The following PFDN1 variants were observed in gnomAD, a reference collection of about 807,000 sequenced individuals.
PFDN1 encodes the protein prefoldin 1.
PFDN1 carries 6 observed loss-of-function variants against 17.3 expected under a neutral mutation model. The observed-to-expected ratio is 0.35, with a 90% CI of 0.19 to 0.69. The LOEUF (loss-of-function observed/expected upper bound fraction) is 0.69, where lower values mean the gene tolerates loss of function less well. PFDN1 is among the 30% of genes least tolerant of loss of function. The probability of loss-of-function intolerance (pLI) is 0.65; values close to 1 mark genes in which losing one functional copy is unlikely to be tolerated. For synonymous variants in PFDN1, 58 were observed against 50.1 expected, an observed-to-expected ratio of 1.16 and a Z score of -0.67; for missense variants, 113 against 146.2, an observed-to-expected ratio of 0.77 and a Z score of 1.17.
At chr5:140,265,870 A>C (rs925021871) in intron 3 of PFDN1, 3 of 152,230 alleles carry the variant, frequency 2.0e-5, no homozygotes, top group African/African-American at 7.2e-5. Flanking sequence ...TGCTAATTTC[A>C]TTCACTTTAA....
chr5:140,283,396 C>T (rs946749440), intron 2 of PFDN1, among the ~76,000 whole-genome samples: 6 of 152,132 alleles, frequency 3.9e-5, no homozygotes, highest in Non-Finnish European at 7.4e-5. Flanking sequence ...CCACGCCTGG[C>T]TAATTTTTTC....
chr5:140,289,818 A>G (rs1340864535), intron 2 of PFDN1, among the ~76,000 whole-genome samples: 1 of 152,120 alleles, frequency 6.6e-6, no homozygotes, highest in Non-Finnish European at 1.5e-5. Context: ...GCTTCCATCA[A>G]TATCACCACA....
chr5:140,267,869 T>A (rs1326638302), intron 3 of PFDN1, among the ~76,000 whole-genome samples: 1 of 152,192 alleles, frequency 6.6e-6, no homozygotes, highest in Non-Finnish European at 1.5e-5. Flanking sequence ...AGACTATGTA[T>A]AAAACATCAG....
chr5:140,267,753 C>CAA (rs10657250), intron 3 of PFDN1, among the ~76,000 whole-genome samples: 33,549 of 147,776 alleles, frequency 0.23, 4,123 homozygotes, highest in South Asian at 0.46. Context: ...ATACTACCAG[C>CAA]AAAAAAAAAA....
intron 2 of PFDN1, among the ~76,000 whole-genome samples, chr5:140,294,328 T>A (rs965459380): frequency 4.6e-5 from 7 of 152,094 alleles, no homozygotes; most frequent in Admixed American, 2.0e-4. Context: ...TAAGATTTTT[T>A]AAATTTCATT....
At chr5:140,294,192 T>C (rs888692569) in intron 2 of PFDN1, among the ~76,000 whole-genome samples, 17 of 152,034 alleles carry the variant, frequency 1.1e-4, no homozygotes, top group African/African-American at 3.4e-4. Context: ...TCACACATTA[T>C]TTTTTCCCCT....
At chr5:140,281,572 C>T (rs373585268) in intron 2 of PFDN1, 39 bp from the exon 3 acceptor site, 13 of 999,548 alleles carry the variant, frequency 1.3e-5, no homozygotes, top group Non-Finnish European at 2.1e-5. Flanking sequence ...AGCCACATGA[C>T]TATTGAATTC....
rs942808050 is a variant in PFDN1 at position 140,302,243 on chromosome 5, T to C, written c.33+798A>G. Among the ~76,000 whole-genome samples, 9 of 152,292 alleles carry C rather than the reference T, an allele frequency of 5.9e-5. No individual in the cohort carries two copies. In the South Asian group the frequency reaches 6.2e-4, roughly 11 times the overall value. On this transcript the variant is annotated intron_variant, in intron 1 of 3. Coordinates refer to ENST00000261813, the MANE Select transcript of PFDN1 (RefSeq NM_002622.5). ...CTTTTCCAGAAAAGTAGATTTAAAA[T>C]AGATAAATTCTAGGGTCCTTTCCAA...
At chr5:140,271,994 TAA>T (rs940773514) in intron 3 of PFDN1, among the ~76,000 whole-genome samples, 12 of 146,620 alleles carry the variant, frequency 8.2e-5, no homozygotes, top group African/African-American at 3.0e-4. Context: ...TTTATATACA[TAA>T]GATATATTTA....
intron 2 of PFDN1, among the ~76,000 whole-genome samples, chr5:140,288,313 G>A (rs1387968143): frequency 6.6e-6 from 1 of 152,104 alleles, no homozygotes; most frequent in Non-Finnish European, 1.5e-5. Context: ...TAGTATGAAA[G>A]GCTATATATT....
intron 3 of PFDN1, chr5:140,281,094 T>G (rs1277798529): frequency 1.1e-5 from 2 of 174,358 alleles, no homozygotes; most frequent in Non-Finnish European, 2.4e-5. Context: ...CTCCTGCCCA[T>G]CCACCACAAT....
intron 3 of PFDN1, among the ~76,000 whole-genome samples, chr5:140,268,919 C>CA (rs1765168681): frequency 6.6e-6 from 1 of 152,182 alleles, no homozygotes; most frequent in Non-Finnish European, 1.5e-5. Flanking sequence ...GCAAAGATAT[C>CA]AAAGGAGATG....
At position 140,303,062 on chromosome 5, in the gene PFDN1, G is replaced by T. The variant is rs146934289; in HGVS notation, c.12C>A (p.Pro4=). The T allele has an allele frequency of 1.7e-5, 27 of 1,612,544 alleles. No individual in the cohort carries two copies. The highest frequency in any genetic ancestry group is 6.7e-5 in the Admixed American group (4 of 60,004). MAA[P]VDLELKKAFT... is the part of the protein sequence containing the mutation. ...TTACCTTCTTCAGCTCTAGATCCAC[G>T]GGGGCGGCCATCTTGGTGCACTGTA... The change falls in exon 1 of 4, where the codon CCC becomes CCA. Residue 4 remains proline (P), a synonymous_variant. Transcript: ENST00000261813.
chr5:140,276,217 C>A (rs1309887209), intron 3 of PFDN1, among the ~76,000 whole-genome samples: 3 of 152,106 alleles, frequency 2.0e-5, no homozygotes, highest in Non-Finnish European at 4.4e-5. Flanking sequence ...TAATAGGAAA[C>A]CATATTTATG....
intron 3 of PFDN1, among the ~76,000 whole-genome samples, chr5:140,273,232 A>G (rs1765236070): frequency 6.6e-6 from 1 of 150,978 alleles, no homozygotes; most frequent in African/African-American, 2.4e-5. Context: ...GCAACAGAGC[A>G]AGACTCCATC....
chr5:140,286,619 G>C (rs1417721448), intron 2 of PFDN1, among the ~76,000 whole-genome samples: 6 of 40,022 alleles, frequency 1.5e-4, no homozygotes, highest in Admixed American at 6.5e-4. Context: ...GGGGGGGGGG[G>C]GCGGGGGAGA....
At chr5:140,269,842 G>A (rs1765181577) in intron 3 of PFDN1, among the ~76,000 whole-genome samples, 1 of 152,160 alleles carries the variant, frequency 6.6e-6, no homozygotes, top group South Asian at 2.1e-4. Context: ...GAGGCTTAGC[G>A]TACAGCAAGA....
At chr5:140,297,177 T>C (rs2126702072) in intron 2 of PFDN1, among the ~76,000 whole-genome samples, 1 of 152,352 alleles carries the variant, frequency 6.6e-6, no homozygotes, top group East Asian at 1.9e-4. Flanking sequence ...AATGAAGTTT[T>C]GGATTTTATT....
intron 3 of PFDN1, chr5:140,273,868 A>T: frequency 1.0e-6 from 1 of 981,344 alleles, no homozygotes; most frequent in Non-Finnish European, 1.2e-6. Context: ...CTGTATATGC[A>T]TGTGCCTAAA....
Sources: gnomAD v4.1 joint callset for allele counts (sites outside exome capture counted in the v4.1 genomes callset) on GRCh38, gnomAD v4.1.1 for gene constraint, MANE v1.5 for transcripts, NCBI Gene and HGNC (gene_info 2026-07-23, HGNC 2026-07-21) for gene names.